Variants in TDP1 observed in about 807,000 individuals in gnomAD.
TDP1 encodes the protein tyrosyl-DNA phosphodiesterase 1, also known as tyr-DNA phosphodiesterase 1.
TDP1 carries 64 observed loss-of-function variants against 81.5 expected under a neutral mutation model. The ratio of observed to expected loss-of-function variants is 0.79; its 90% CI spans 0.64 to 0.97. The LOEUF (loss-of-function observed/expected upper bound fraction) is 0.97, where lower values mean the gene tolerates loss of function less well. Ranked by LOEUF, TDP1 falls within the 50% of genes least tolerant of loss-of-function variation. The pLI is 0.00. For missense variants in TDP1, 723 were observed against 743.8 expected, an observed-to-expected ratio of 0.97 and a Z score of 0.33; for synonymous variants, 256 against 264.3, an observed-to-expected ratio of 0.97 and a Z score of 0.30.
intron 5 of TDP1, among the ~76,000 whole-genome samples, chr14:89,968,635 G>A (rs35301573): frequency 0.023 from 3,559 of 152,316 alleles, 73 homozygotes; most frequent in Non-Finnish European, 0.036. Flanking sequence ...CCTTTTGTTA[G>A]GGAAGGAGGA....
At chr14:90,023,936 C>G (rs928185632) in intron 15 of TDP1, among the ~76,000 whole-genome samples, 3 of 152,162 alleles carry the variant, frequency 2.0e-5, no homozygotes, top group African/African-American at 2.4e-5. Context: ...CCCAAAAGAT[C>G]TTGTCATTTC....
Position 89,984,634 on chromosome 14 carries a change from C to T in TDP1, c.1003C>T (p.Leu335Phe), listed in dbSNP as rs748704658. The change falls in exon 9 of 17, where the codon CTC (leucine) becomes TTC (phenylalanine). Residue 335 changes from leucine to phenylalanine, a missense_variant. Leu to Phe is a conservative substitution (Grantham distance 22). Coordinates refer to ENST00000335725, the MANE Select transcript of TDP1 (RefSeq NM_018319.4). ...SYLMAYNAPS[L>F]KEWIDVIHKH... Reference sequence around the variant, plus strand: ...CTTGATGGCTTATAATGCCCCTTCTCTCAAGGAGTGGATAGATGTCATTCA... The same window carrying T: ...CTTGATGGCTTATAATGCCCCTTCTTTCAAGGAGTGGATAGATGTCATTCA... 6.2e-7 allele frequency: 1 copy of T among 1,614,134 alleles called. No homozygotes were observed. The highest frequency in any genetic ancestry group is 8.5e-7 in the Non-Finnish European group (1 of 1,180,038).
chr14:90,023,755 A>C (rs1015127673), intron 15 of TDP1, among the ~76,000 whole-genome samples: 6 of 151,794 alleles, frequency 4.0e-5, no homozygotes, highest in African/African-American at 1.5e-4. Flanking sequence ...ACAGAGCTGC[A>C]GTCTCCACCA....
upstream of TDP1, chr14:89,955,014 A>G: frequency 3.0e-6 from 1 of 338,566 alleles, no homozygotes; most frequent in Admixed American, 4.8e-5. Flanking sequence ...GATTTATTTC[A>G]TTCTCTCCCT....
intron 14 of TDP1, among the ~76,000 whole-genome samples, chr14:90,015,638 G>A (rs1322407244): frequency 6.6e-6 from 1 of 152,158 alleles, no homozygotes; most frequent in Non-Finnish European, 1.5e-5. Flanking sequence ...ACCGGTGAGG[G>A]CCTTCTTCTG....
rs527568371 is a variant in TDP1 at position 89,956,617 on chromosome 14, G to T, written c.-191G>T. The T allele has an allele frequency of 2.0e-5, 3 of 152,348 alleles. No homozygotes were observed. Among genetic ancestry groups the T allele is most frequent in the African/African-American group, 4.8e-5 (2 of 41,422 alleles). The allele number at this position is 152,348 out of a possible 1,614,324, so 9.4% of individuals were successfully genotyped here. ...GCTGTATTAAAAAGGCAAATCGAAG[G>T]CCGGGCGCGGTGACTCACGCCTGTC... On this transcript the variant is annotated 5_prime_UTR_variant, in exon 2 of 17. Coordinates refer to ENST00000335725, the MANE Select transcript of TDP1 (RefSeq NM_018319.4).
chr14:89,964,306 C>G (rs941700892), intron 3 of TDP1, among the ~76,000 whole-genome samples: 4 of 152,216 alleles, frequency 2.6e-5, no homozygotes, highest in African/African-American at 9.6e-5. Flanking sequence ...TCAGGGAGCA[C>G]CTGCAGGAGG....
chr14:89,975,441 C>T (rs1301349664), intron 6 of TDP1: 6 of 985,060 alleles, frequency 6.1e-6, no homozygotes, highest in Non-Finnish European at 7.2e-6. Context: ...AGCCAAATAT[C>T]TAAAACTTTG....
At chr14:89,983,593 T>C (rs34106289) in intron 8 of TDP1, among the ~76,000 whole-genome samples, 5,910 of 152,224 alleles carry the variant, frequency 0.039, 379 homozygotes, top group African/African-American at 0.13. Flanking sequence ...GGGAAAAAAG[T>C]AACACCTGAT....
At chr14:90,008,293 C>T (rs1002020223) in intron 14 of TDP1, among the ~76,000 whole-genome samples, 1 of 152,158 alleles carries the variant, frequency 6.6e-6, no homozygotes, top group African/African-American at 2.4e-5. Flanking sequence ...TTGCATTCTA[C>T]CTAATTTCTT....
rs182086916 is a variant in TDP1 at position 89,989,085 on chromosome 14, T to C, written c.1312T>C (p.Tyr438His). 1.2e-6 allele frequency: 2 copies of C among 1,613,798 alleles called. No homozygotes were observed. The highest frequency in any genetic ancestry group is 2.2e-5 in the East Asian group (1 of 44,872). ...KTPGKSSVPL[Y>H]LIYPSVENVR... ...TCCAGGAAAAAGCTCTGTTCCTCTT[T>C]ACTTGGTGAGTTCTCGTCCTCATTG... is the stretch of plus-strand genomic sequence containing the variant. The change falls in exon 11 of 17, where the codon TAC (tyrosine) becomes CAC (histidine). Residue 438 changes from tyrosine to histidine, a missense_variant. Physicochemically the swap from Tyr to His is moderately conservative, Grantham distance 83. Transcript: ENST00000335725.
At chr14:90,023,302 T>A (rs781010090) in intron 15 of TDP1, among the ~76,000 whole-genome samples, 9 of 152,106 alleles carry the variant, frequency 5.9e-5, no homozygotes, top group Non-Finnish European at 1.2e-4. Flanking sequence ...CAGACAGAGA[T>A]AATAGTGCAG....
intron 2 of TDP1, among the ~76,000 whole-genome samples, chr14:89,959,504 C>G (rs147007862): frequency 1.1e-4 from 17 of 152,184 alleles, no homozygotes; most frequent in African/African-American, 2.7e-4. Context: ...CATTTAACAA[C>G]AAGACACAAT....
At chr14:90,001,745 C>T (rs1897204499) in intron 14 of TDP1, among the ~76,000 whole-genome samples, 1 of 152,180 alleles carries the variant, frequency 6.6e-6, no homozygotes, top group Admixed American at 6.5e-5. Context: ...AAATGCTCCC[C>T]TTAAAGTGAA....
At chr14:89,979,433 C>T (rs993038315) in intron 7 of TDP1, among the ~76,000 whole-genome samples, 1 of 151,932 alleles carries the variant, frequency 6.6e-6, no homozygotes, top group African/African-American at 2.4e-5. Context: ...CCTCAGCCTG[C>T]TTAGTAGCTG....
intron 2 of TDP1, among the ~76,000 whole-genome samples, chr14:89,962,215 C>T (rs1892410052): frequency 6.6e-6 from 1 of 152,000 alleles, no homozygotes; most frequent in South Asian, 2.1e-4. Flanking sequence ...ATAATTATAT[C>T]CAACTAATTA....
Position 89,963,551 on chromosome 14 carries a change from A to G in TDP1, c.437A>G (p.Glu146Gly). 1 of 1,610,956 alleles carries G rather than the reference A, an allele frequency of 6.2e-7. No individual in the cohort carries two copies. Among genetic ancestry groups the G allele is most frequent in the Non-Finnish European group, 8.5e-7 (1 of 1,178,232 alleles). Residue 146 changes from glutamate (E) to glycine (G), a missense_variant, in exon 3 of 17, where the codon GAG becomes GGG. Glu to Gly is a moderately conservative substitution (Grantham distance 98). Coordinates refer to ENST00000335725, the MANE Select transcript of TDP1 (RefSeq NM_018319.4). ...HRLKEEEDEY[E>G]TSGEGQDIWD... ...CTCAAAGAGGAGGAAGACGAGTATG[A>G]GACATCAGGGGAGGGCCAGGACATT...
intron 14 of TDP1, among the ~76,000 whole-genome samples, chr14:90,005,786 A>G: frequency 6.6e-6 from 1 of 152,232 alleles, no homozygotes; most frequent in East Asian, 1.9e-4. Context: ...TAAAACAGTA[A>G]GCAGTTTTTG....
At chr14:90,011,352 G>A (rs1012546105) in intron 14 of TDP1, among the ~76,000 whole-genome samples, 1 of 152,188 alleles carries the variant, frequency 6.6e-6, no homozygotes, top group Non-Finnish European at 1.5e-5. Flanking sequence ...CTTTGGAACT[G>A]GGTAACAGGC....
Sources: gnomAD v4.1 joint callset for allele counts (sites outside exome capture counted in the v4.1 genomes callset) on GRCh38, gnomAD v4.1.1 for gene constraint, MANE v1.5 for transcripts, NCBI Gene and HGNC (gene_info 2026-07-23, HGNC 2026-07-21) for gene names.